The following LRBA variants were observed in gnomAD, a reference collection of about 807,000 sequenced individuals.
LRBA encodes LPS responsive beige-like anchor protein, also known as lipopolysaccharide-responsive and beige-like anchor protein.
A neutral mutation model predicts 330.0 loss-of-function variants in LRBA; 176 were observed. The observed-to-expected ratio is 0.53, with a 90% CI of 0.47 to 0.60. The LOEUF (loss-of-function observed/expected upper bound fraction) is 0.60, where lower values mean the gene tolerates loss of function less well. LRBA is among the 20% of genes least tolerant of loss of function. The pLI, the probability that LRBA is intolerant of heterozygous loss-of-function variation, is 0.00. For synonymous variants in LRBA, 1,230 were observed against 1,193.0 expected (o/e 1.03, Z -0.64); for missense variants, 3,259 against 3,444.8 (o/e 0.95, Z 1.35).
chr4:150,939,258 G>C, intron 2 of LRBA, among the ~76,000 whole-genome samples: 1 of 152,188 alleles, frequency 6.6e-6, no homozygotes, highest in African/African-American at 2.4e-5. Flanking sequence ...GATTGCTACA[G>C]ATGTAATTAG....
intron 47 of LRBA, among the ~76,000 whole-genome samples, chr4:150,392,300 A>G (rs1247631435): frequency 6.6e-6 from 1 of 152,198 alleles, no homozygotes; most frequent in Non-Finnish European, 1.5e-5. Context: ...GTTTCTAGTA[A>G]GAGCCCTTTT....
intron 40 of LRBA, among the ~76,000 whole-genome samples, chr4:150,543,251 T>C (rs1445870107): frequency 1.3e-5 from 2 of 152,286 alleles, no homozygotes; most frequent in Non-Finnish European, 2.9e-5. Flanking sequence ...TGTATACACA[T>C]TGAACTCCTA....
intron 37 of LRBA, among the ~76,000 whole-genome samples, chr4:150,680,086 G>A (rs887782867): frequency 5.9e-5 from 9 of 152,178 alleles, no homozygotes; most frequent in South Asian, 2.1e-4. Context: ...TCCATGCACC[G>A]GAAAAAAATT....
intron 37 of LRBA, among the ~76,000 whole-genome samples, chr4:150,667,379 G>C (rs1781658547): frequency 1.3e-5 from 2 of 152,244 alleles, no homozygotes; most frequent in East Asian, 3.9e-4. Context: ...GGAAGCAGAG[G>C]AAAAGGAGAC....
At chr4:150,681,974 A>G (rs1783092712) in intron 37 of LRBA, among the ~76,000 whole-genome samples, 1 of 152,168 alleles carries the variant, frequency 6.6e-6, no homozygotes. Context: ...TACCACATGT[A>G]TATACTATGC....
At chr4:150,343,580 A>G (rs908594724) in intron 48 of LRBA, among the ~76,000 whole-genome samples, 3 of 152,090 alleles carry the variant, frequency 2.0e-5, no homozygotes, top group Non-Finnish European at 4.4e-5. Context: ...AATCCAGCCC[A>G]GGTTCACGTT....
Position 150,980,791 on chromosome 4 carries a change from G to A in LRBA, c.216+33636C>T, listed in dbSNP as rs188213461. On this transcript the variant is annotated intron_variant, in intron 2 of 56. Transcript: ENST00000651943. ...AAGTGATTAATTCAGTAAAGTTGTA[G>A]AATACAAAATCAACATTTGAATATC... Among the ~76,000 whole-genome samples, 238 of 152,184 alleles carry A rather than the reference G, an allele frequency of 1.6e-3. 1 individual carries two copies. The highest frequency in any genetic ancestry group is 2.9e-3 in the Non-Finnish European group (194 of 67,988).
intron 36 of LRBA, among the ~76,000 whole-genome samples, chr4:150,703,429 C>T (rs1215344849): frequency 6.6e-6 from 1 of 152,190 alleles, no homozygotes; most frequent in Admixed American, 6.5e-5. Flanking sequence ...CTATTACTGA[C>T]AATTTCATTC....
intron 40 of LRBA, among the ~76,000 whole-genome samples, chr4:150,502,237 T>C (rs577156658): frequency 1.3e-4 from 20 of 152,292 alleles, no homozygotes; most frequent in African/African-American, 4.8e-4. Flanking sequence ...TGGAGCACTG[T>C]AGAGACTACT....
intron 34 of LRBA, among the ~76,000 whole-genome samples, chr4:150,784,929 T>C (rs931678930): frequency 3.3e-5 from 5 of 152,344 alleles, no homozygotes; most frequent in Non-Finnish European, 7.3e-5. Context: ...TTTCCTTTTA[T>C]TTCTCCCCAA....
rs727503780 is a variant in LRBA at position 150,896,429 on chromosome 4, G to T, written c.2032C>A (p.Gln678Lys). 3 of 1,545,054 alleles carry T rather than the reference G, an allele frequency of 1.9e-6. No homozygotes were observed. Among genetic ancestry groups the T allele is most frequent in the Non-Finnish European group, 2.7e-6 (3 of 1,126,676 alleles). Residue 678 changes from glutamine (Q) to lysine (K), a missense_variant, in exon 16 of 57, where the codon CAG becomes AAG. Gln to Lys is a moderately conservative substitution (Grantham distance 53, BLOSUM62 1). Transcript: ENST00000651943. ...GTCAGTAGGTAATTAAGAATGGCCT[G>T]TAATTCATCTTCCTTTACTCCAGAA... is the stretch of plus-strand genomic sequence containing the variant. ...KDSGVKEDEL[Q>K]AILNYLLTMH...
intron 37 of LRBA, among the ~76,000 whole-genome samples, chr4:150,621,688 C>A (rs1261361697): frequency 6.6e-6 from 1 of 152,206 alleles, no homozygotes; most frequent in African/African-American, 2.4e-5. Context: ...ACTCCATACA[C>A]TTGCCTGTAT....
chr4:151,012,965 A>ATGTTGACTAG (rs1370591715), intron 2 of LRBA: 2 of 152,050 alleles, frequency 1.3e-5, no homozygotes, highest in Non-Finnish European at 2.9e-5. Flanking sequence ...GGGTTTCACC[A>ATGTTGACTAG]TGTTGACTAG....
At chr4:150,855,475 T>C (rs906293403) in intron 22 of LRBA, among the ~76,000 whole-genome samples, 4 of 152,340 alleles carry the variant, frequency 2.6e-5, no homozygotes, top group Admixed American at 2.0e-4. Context: ...TTTATTTATA[T>C]TAAAGGTTTT....
chr4:150,931,744 A>G (rs1369721646), intron 2 of LRBA, among the ~76,000 whole-genome samples: 2 of 152,068 alleles, frequency 1.3e-5, no homozygotes, highest in African/African-American at 4.8e-5. Flanking sequence ...CCTGGGTGAC[A>G]GTGCAAGATC....
At position 150,953,691 on chromosome 4, in the gene LRBA, T is replaced by C. The variant is rs190842246; in HGVS notation, c.217-24626A>G. The stretch of plus-strand genomic sequence containing the variant: ...CAATGTTGCCCAGGCTGGAGTGCAG[T>C]GGTGTGATCTCGGCTCACTACAACC... On this transcript the variant is annotated intron_variant, in intron 2 of 56. Coordinates refer to ENST00000651943, the MANE Select transcript of LRBA (RefSeq NM_001364905.1). 5.3e-5 allele frequency among the ~76,000 whole-genome samples: 8 copies of C among 152,008 alleles called. No individual in the cohort carries two copies. The East Asian group carries it at 1.4e-3, about 26-fold the overall frequency.
intron 38 of LRBA, among the ~76,000 whole-genome samples, chr4:150,594,854 A>G (rs1021492103): frequency 3.9e-5 from 6 of 152,070 alleles, no homozygotes; most frequent in Non-Finnish European, 7.4e-5. Flanking sequence ...ATCCACCACA[A>G]AACAGGTAAG....
At chr4:150,894,790 A>G (rs1436580593) in intron 16 of LRBA, among the ~76,000 whole-genome samples, 1 of 152,242 alleles carries the variant, frequency 6.6e-6, no homozygotes, top group Non-Finnish European at 1.5e-5. Context: ...AAAGTACTTT[A>G]TTCAGTCCCT....
At chr4:150,598,429 G>A (rs1773745563) in intron 38 of LRBA, among the ~76,000 whole-genome samples, 1 of 152,076 alleles carries the variant, frequency 6.6e-6, no homozygotes, top group South Asian at 2.1e-4. Flanking sequence ...AAAATGTTTT[G>A]TTAAGCTCTG....
Sources: allele counts gnomAD v4.1 joint callset (sites outside exome capture counted in the v4.1 genomes callset), GRCh38; gene constraint gnomAD v4.1.1; transcripts MANE v1.5; gene names NCBI Gene and HGNC (gene_info 2026-07-23, HGNC 2026-07-21).